The following LARGE1 variants were observed in gnomAD, a reference collection of about 807,000 sequenced individuals.
LARGE1 encodes xylosyl- and glucuronyltransferase LARGE1.
A neutral mutation model predicts 87.6 loss-of-function variants in LARGE1; 43 were observed. The observed-to-expected ratio is 0.49, with a 90% confidence interval of 0.38 to 0.63. The LOEUF (loss-of-function observed/expected upper bound fraction) is 0.63, where lower values mean the gene tolerates loss of function less well. Among genes scored for constraint, LARGE1 ranks in the 30% least tolerant of loss-of-function variants. The pLI is 0.00. For missense variants in LARGE1, 802 were observed against 1,000.2 expected (o/e 0.80, Z 2.67); for synonymous variants, 434 against 394.6 (o/e 1.10, Z -1.18).
At chr22:33,678,835 G>A (rs1205320680) in intron 2 of LARGE1, among the ~76,000 whole-genome samples, 1 of 152,208 alleles carries the variant, frequency 6.6e-6, no homozygotes, top group Non-Finnish European at 1.5e-5. Context: ...AAGACACTGT[G>A]CTGGGAACCG....
chr22:33,405,913 A>G (rs2066080629), intron 7 of LARGE1, among the ~76,000 whole-genome samples: 1 of 152,240 alleles, frequency 6.6e-6, no homozygotes, highest in African/African-American at 2.4e-5. Flanking sequence ...ATTAGAATAA[A>G]TGAAGACCAT....
chr22:33,557,833 C>CG (rs2077738461), intron 6 of LARGE1, among the ~76,000 whole-genome samples: 1 of 152,156 alleles, frequency 6.6e-6, no homozygotes. Context: ...TCCTGAAGTG[C>CG]TGGGATTATG....
chr22:33,376,208 A>G (rs960203940), intron 9 of LARGE1, among the ~76,000 whole-genome samples: 1 of 152,230 alleles, frequency 6.6e-6, no homozygotes, highest in Admixed American at 6.5e-5. Flanking sequence ...AAATGCGGAC[A>G]CGAGTTATAT....
chr22:33,756,785 T>A (rs1374126889), intron 2 of LARGE1, among the ~76,000 whole-genome samples: 1 of 152,060 alleles, frequency 6.6e-6, no homozygotes, highest in East Asian at 1.9e-4. Flanking sequence ...AAGTGGGCTG[T>A]TGTGCTTAGT....
chr22:33,310,783 C>T (rs1036400420), intron 11 of LARGE1, among the ~76,000 whole-genome samples: 2 of 151,994 alleles, frequency 1.3e-5, no homozygotes, highest in African/African-American at 4.8e-5. Flanking sequence ...AATTGTGGCC[C>T]GTTAAGTGCC....
chr22:33,793,643 G>A (rs996738640), intron 1 of LARGE1, among the ~76,000 whole-genome samples: 1 of 152,126 alleles, frequency 6.6e-6, no homozygotes, highest in Non-Finnish European at 1.5e-5. Context: ...GTCACTTCCA[G>A]AGTCCCTCCT....
chr22:33,532,333 A>G (rs1036459011), intron 6 of LARGE1, among the ~76,000 whole-genome samples: 4 of 152,166 alleles, frequency 2.6e-5, no homozygotes, highest in African/African-American at 9.7e-5. Context: ...TTGAGGAAAA[A>G]TGTTCTGTTT....
intron 1 of LARGE1, among the ~76,000 whole-genome samples, chr22:33,781,030 T>C (rs933490401): frequency 1.3e-5 from 2 of 152,236 alleles, no homozygotes; most frequent in Non-Finnish European, 2.9e-5. Flanking sequence ...ATGCTTTCCA[T>C]TTTTATCACC....
chr22:33,098,164 C>T, the LARGE1 span, among the ~76,000 whole-genome samples: 8 of 151,986 alleles, frequency 5.3e-5, no homozygotes, highest in African/African-American at 1.2e-4. Context: ...AAAAATTAGC[C>T]GGGCATGGTG....
intron 13 of LARGE1, among the ~76,000 whole-genome samples, chr22:33,277,920 A>G (rs1929658747): frequency 6.6e-6 from 1 of 152,150 alleles, no homozygotes; most frequent in South Asian, 2.1e-4. Flanking sequence ...TTGCTGCCAG[A>G]CTGTGGTAGG....
At chr22:33,642,709 G>GAAAA (rs2080477002) in intron 3 of LARGE1, among the ~76,000 whole-genome samples, 3 of 11,170 alleles carry the variant, frequency 2.7e-4, no homozygotes, top group Admixed American at 7.4e-4. Context: ...CAAATGGAAA[G>GAAAA]CAAAAAAAAA....
the LARGE1 span, among the ~76,000 whole-genome samples, chr22:33,152,506 T>C: frequency 2.6e-5 from 4 of 152,240 alleles, no homozygotes; most frequent in African/African-American, 9.6e-5. Flanking sequence ...TCAGTTCTAA[T>C]CATAAGTTGA....
intron 2 of LARGE1, among the ~76,000 whole-genome samples, chr22:33,706,691 C>T (rs2082572799): frequency 6.6e-6 from 1 of 152,166 alleles, no homozygotes; most frequent in African/African-American, 2.4e-5. Flanking sequence ...GATACCTGGG[C>T]CTCAGATCAT....
the LARGE1 span, among the ~76,000 whole-genome samples, chr22:33,108,155 G>C: frequency 1.3e-5 from 2 of 152,024 alleles, no homozygotes; most frequent in Admixed American, 1.3e-4. Flanking sequence ...AGCACATAAG[G>C]CACCTAGGAT....
At chr22:33,794,863 G>A (rs62225448) in intron 1 of LARGE1, among the ~76,000 whole-genome samples, 11,087 of 152,098 alleles carry the variant, frequency 0.073, 519 homozygotes, top group Admixed American at 0.11. Context: ...CAGGTGATCC[G>A]TCTGCCTCCG....
At chr22:33,068,049 A>G in the LARGE1 span, among the ~76,000 whole-genome samples, 28 of 152,298 alleles carry the variant, frequency 1.8e-4, 1 homozygote, top group South Asian at 4.8e-3. Context: ...ATGAGGATCA[A>G]TTGGACCAAT....
intron 7 of LARGE1, among the ~76,000 whole-genome samples, chr22:33,396,710 G>C (rs868576094): frequency 3.9e-5 from 6 of 152,214 alleles, no homozygotes; most frequent in Middle Eastern, 3.4e-3. Flanking sequence ...GCAAATAGAG[G>C]TATGTTCTAG....
chr22:33,746,983 T>C (rs2084111956), intron 2 of LARGE1, among the ~76,000 whole-genome samples: 1 of 152,052 alleles, frequency 6.6e-6, no homozygotes, highest in African/African-American at 2.4e-5. Flanking sequence ...ATTTAGTAGA[T>C]CTAGGGCAGG....
intron 1 of LARGE1, among the ~76,000 whole-genome samples, chr22:33,826,447 G>A (rs5749675): frequency 0.72 from 109,612 of 151,356 alleles, 40,128 homozygotes; most frequent in East Asian, 0.97. Context: ...GGTTCAAGCA[G>A]TTCTCCTACC....
Sources: allele counts gnomAD v4.1 joint callset (sites outside exome capture counted in the v4.1 genomes callset), GRCh38; gene constraint gnomAD v4.1.1; transcripts MANE v1.5; gene names NCBI Gene and HGNC (gene_info 2026-07-23, HGNC 2026-07-21).